ERF: variants seen among roughly 807,000 people sequenced by gnomAD.
The protein encoded by ERF is ETS domain-containing transcription factor ERF.
Under a neutral mutation model 41.6 loss-of-function variants are expected in ERF, and 10 were observed. That is an observed-to-expected ratio of 0.24 (90% CI 0.15 to 0.41). The LOEUF (loss-of-function observed/expected upper bound fraction) is 0.41, where lower values mean the gene tolerates loss of function less well. Ranked by LOEUF, ERF falls within the 10% of genes least tolerant of loss-of-function variation. The pLI is 1.00. For missense variants in ERF, 621 were observed against 763.2 expected, an observed-to-expected ratio of 0.81 and a Z score of 2.19; for synonymous variants, 395 against 342.4, an observed-to-expected ratio of 1.15 and a Z score of -1.70.
rs1185661950 is a variant in ERF at position 42,250,602 on chromosome 19, CT to C, written c.23-38del. 6.3e-7 allele frequency: 1 copy of C among 1,597,934 alleles called. No homozygotes were observed. Among genetic ancestry groups the C allele is most frequent in the Admixed American group, 1.7e-5 (1 of 58,510 alleles). On this transcript the variant is annotated intron_variant, in intron 1 of 3. Coordinates refer to ENST00000222329, the MANE Select transcript of ERF (RefSeq NM_006494.4). This position sits in a 1 kb window ranked among gnomAD's most constrained non-coding sequence, Gnocchi z 5.1. ...AGGCAGGGAGTGGCCTGGGGTCAGGCTGCCAAGTCCAGGGCTCTGGGTCCCA... is the reference window on the plus strand; with the variant it reads ...AGGCAGGGAGTGGCCTGGGGTCAGGCGCCAAGTCCAGGGCTCTGGGTCCCA...
chr19:42,250,660 A>T lies in ERF; in HGVS notation c.23-95T>A, dbSNP rs1214231498. The T allele has an allele frequency of 1.6e-6, 2 of 1,215,272 alleles. No homozygotes were observed. Among genetic ancestry groups the T allele is most frequent in the Non-Finnish European group, 2.3e-6 (2 of 865,454 alleles). 75.3% of individuals were successfully genotyped at this position (1,215,272 alleles called of 1,614,324 possible). A position where few individuals can be genotyped will look rare whatever the true frequency, so the allele number is the denominator to read the frequency against. On this transcript the variant is annotated intron_variant, in intron 1 of 3. Coordinates refer to ENST00000222329, the MANE Select transcript of ERF (RefSeq NM_006494.4). This position sits in a 1 kb window ranked among gnomAD's most constrained non-coding sequence, Gnocchi z 5.1. ...GGTCCACCTCTGCCCTGCCTTCAAC[A>T]TGGGGAAATCTGTCTCACCTCAGCC...
At chr19:42,252,886 CGGAG>C (rs1280613106) in intron 1 of ERF, among the ~76,000 whole-genome samples, 1 of 152,042 alleles carries the variant, frequency 6.6e-6, no homozygotes, top group Admixed American at 6.5e-5. Flanking sequence ...CAGACCTGCA[CGGAG>C]GAAGCTTGGG....
rs763967813 is a variant in ERF at position 42,249,071 on chromosome 19, C to T, written c.1041G>A (p.Lys347=). The T allele has an allele frequency of 3.7e-6, 6 of 1,613,078 alleles. No homozygotes were observed. The highest frequency in any genetic ancestry group is 5.1e-6 in the Non-Finnish European group (6 of 1,179,588). ...CGGGTGCCATGGGCGGCAGCGGGCA[C>T]TTGTCAGGGCGCTGGGGCTGGGGCA... The part of the protein sequence containing the change: ...LVVPQPQRPD[K]CPLPPMAPET... Residue 347 remains lysine (K), a synonymous_variant, in exon 4 of 4, where the codon AAG becomes AAA. Coordinates refer to ENST00000222329, the MANE Select transcript of ERF (RefSeq NM_006494.4). This position sits in a 1 kb window ranked among gnomAD's most constrained non-coding sequence, Gnocchi z 8.6.
In ERF at chr19:42,248,733, G is replaced by A; in HGVS notation, c.1379C>T (p.Pro460Leu). The A allele has an allele frequency of 6.2e-7, 1 of 1,613,614 alleles. No homozygotes were observed. The change falls in exon 4 of 4, where the codon CCA (proline) becomes CTA (leucine). Residue 460 changes from proline to leucine, a missense_variant. By Grantham distance (98) the Pro-to-Leu change is moderately conservative. This residue lies in a region of ERF where 569 missense variants were observed against 625.5 expected (regional missense o/e 0.91). Coordinates refer to ENST00000222329, the MANE Select transcript of ERF (RefSeq NM_006494.4). This position sits in a 1 kb window ranked among gnomAD's most constrained non-coding sequence, Gnocchi z 4.2. ...DGEVFKTPRA[P>L]PAPPKPEPGE... is the part of the protein sequence containing the mutation. ...GGGCTCAGGCTTAGGGGGTGCAGGT[G>A]GGGCACGGGGCGTCTTGAACACCTC...
At position 42,251,293 on chromosome 19, in the gene ERF, G is replaced by C. The variant is rs1411988589; in HGVS notation, c.23-728C>G. ...AGGGCCCAGCCCAGGCCTGGAGCTT[G>C]AGCAGGCACCCTGGAGCTGTCACCC... On this transcript the variant is annotated intron_variant, in intron 1 of 3. Transcript: ENST00000222329. 3 of 985,972 alleles carry C rather than the reference G, an allele frequency of 3.0e-6. No homozygotes were observed. In the East Asian group the frequency reaches 3.4e-4, roughly 112 times the overall value. The allele number at this position is 985,972 out of a possible 1,614,324, so 61.1% of individuals were successfully genotyped here. A position where few individuals can be genotyped will look rare whatever the true frequency, so the allele number is the denominator to read the frequency against.
In ERF at chr19:42,249,229, T is replaced by C. The variant is rs1415332567; in HGVS notation, c.883A>G (p.Ser295Gly). 6.2e-7 allele frequency: 1 copy of C among 1,613,076 alleles called. No homozygotes were observed. The highest frequency in any genetic ancestry group is 8.5e-7 in the Non-Finnish European group (1 of 1,179,610). ...PMYPSGGGGP[S>G]GSGGGSHFSF... ...AAGTGGGAGCCTCCCCCTGAGCCGC[T>C]GGGCCCCCCGCCACCACTGGGGTAC... Residue 295 changes from serine to glycine, a missense_variant, in exon 4 of 4, where the codon AGC (serine) becomes GGC (glycine). By Grantham distance (56) the Ser-to-Gly change is moderately conservative (BLOSUM62 0). Around this residue, in one of 3 missense-constraint regions of ERF, gnomAD observed 569 missense variants for 625.5 expected, o/e 0.91. Coordinates refer to ENST00000222329, the MANE Select transcript of ERF (RefSeq NM_006494.4). The surrounding 1 kb of genome is among the most constrained non-coding windows in gnomAD (Gnocchi z 8.6).
At chr19:42,252,527 G>A (rs1049980074) in intron 1 of ERF, among the ~76,000 whole-genome samples, 1 of 152,208 alleles carries the variant, frequency 6.6e-6, no homozygotes, top group Non-Finnish European at 1.5e-5. Context: ...AAGGAGGTGG[G>A]GGGGCTCTGG....
intron 1 of ERF, 74 bp downstream of exon 1, chr19:42,254,904 A>T: frequency 6.8e-7 from 1 of 1,467,352 alleles, no homozygotes; most frequent in East Asian, 2.8e-5. Flanking sequence ...GGACCCCTTC[A>T]GCCCCCCCAA....
chr19:42,249,360 G>A lies in ERF; in HGVS notation c.752C>T (p.Ser251Leu). 2 of 1,576,322 alleles carry A rather than the reference G, an allele frequency of 1.3e-6. No individual in the cohort carries two copies. The highest frequency in any genetic ancestry group is 1.7e-6 in the Non-Finnish European group (2 of 1,161,702). ...GPEPLSPFPVSPLAGPGSLLP... is the reference protein window; with the variant it reads ...GPEPLSPFPVLPLAGPGSLLP... ...CAGGGATCCAGGACCGGCCAGAGGCGACACAGGGAAGGGGCTGAGGGGTTC... is the reference window on the plus strand; with the variant it reads ...CAGGGATCCAGGACCGGCCAGAGGCAACACAGGGAAGGGGCTGAGGGGTTC... The change falls in exon 4 of 4, where the codon TCG becomes TTG. Residue 251 changes from serine to leucine, a missense_variant. By Grantham distance (145) the Ser-to-Leu change is moderately radical. Around this residue, in one of 3 missense-constraint regions of ERF, gnomAD observed 569 missense variants for 625.5 expected, o/e 0.91. Transcript: ENST00000222329. The surrounding 1 kb of genome is among the most constrained non-coding windows in gnomAD (Gnocchi z 8.6).
At chr19:42,254,803 C>G (rs770228806) in intron 1 of ERF, among the ~76,000 whole-genome samples, 175 bp downstream of exon 1, 19 of 152,194 alleles carry the variant, frequency 1.2e-4, no homozygotes, top group Non-Finnish European at 2.2e-4. Flanking sequence ...AATCGGGGGT[C>G]CCAGGCAGCA....
intron 1 of ERF, chr19:42,251,452 G>C (rs1568473479): frequency 4.9e-6 from 1 of 202,074 alleles, no homozygotes; most frequent in Non-Finnish European, 8.4e-6. Flanking sequence ...TGGGGTGGGG[G>C]GTGGGGGGTG....
intron 1 of ERF, among the ~76,000 whole-genome samples, chr19:42,252,540 AG>A (rs749146504): frequency 2.6e-5 from 4 of 152,206 alleles, no homozygotes; most frequent in Non-Finnish European, 5.9e-5. Context: ...GGCTCTGGAA[AG>A]GCCTCAAGCC....
Position 42,250,613 on chromosome 19 carries a change from A to G in ERF, c.23-48T>C, listed in dbSNP as rs1394783040. On this transcript the variant is annotated intron_variant, in intron 1 of 3. Transcript: ENST00000222329. This position sits in a 1 kb window ranked among gnomAD's most constrained non-coding sequence, Gnocchi z 5.1. ...GGCCTGGGGTCAGGCTGCCAAGTCC[A>G]GGGCTCTGGGTCCCATCCCAGGGTC... 1 of 1,582,824 alleles carries G rather than the reference A, an allele frequency of 6.3e-7. No individual in the cohort carries two copies. The highest frequency in any genetic ancestry group is 1.3e-5 in the African/African-American group (1 of 74,272).
intron 1 of ERF, among the ~76,000 whole-genome samples, chr19:42,253,519 T>A (rs1196227807): frequency 1.3e-5 from 2 of 151,760 alleles, no homozygotes; most frequent in African/African-American, 4.8e-5. Flanking sequence ...GGAGAGAAGA[T>A]GAAGCGAGGT....
chr19:42,249,760 C>A lies in ERF; in HGVS notation c.374-22G>T, dbSNP rs776123538. The A allele has an allele frequency of 3.1e-6, 5 of 1,612,022 alleles. No individual in the cohort carries two copies. The highest frequency in any genetic ancestry group is 4.2e-6 in the Non-Finnish European group (5 of 1,178,498). ...CCCCCTGGCAGAAGGGAGACAGTGT[C>A]AAGGCCCCTGGCCTAGCCTGAAGGG... On this transcript the variant is annotated intron_variant, in intron 3 of 3. Transcript: ENST00000222329. This position sits in a 1 kb window ranked among gnomAD's most constrained non-coding sequence, Gnocchi z 8.6.
chr19:42,253,768 G>T (rs2036485093), intron 1 of ERF: 1 of 679,506 alleles, frequency 1.5e-6, no homozygotes, highest in Admixed American at 6.3e-5. Context: ...CGCCGAGCAG[G>T]GGGATGGGGA....
intron 1 of ERF, 109 bp downstream of exon 1, chr19:42,254,869 A>C (rs2036507695): frequency 2.4e-6 from 3 of 1,276,230 alleles, no homozygotes; most frequent in Non-Finnish European, 3.1e-6. Flanking sequence ...GGTCCCCCAG[A>C]ACTGGGGATC....
In ERF at chr19:42,250,918, C is replaced by T. The variant is rs988048339; in HGVS notation, c.23-353G>A. ...GCAGGAAGGGGCACACGTGGCCAGC[C>T]GGGTTGGGGTACAGCCCCCCAGCTT... On this transcript the variant is annotated intron_variant, in intron 1 of 3. Coordinates refer to ENST00000222329, the MANE Select transcript of ERF (RefSeq NM_006494.4). The surrounding 1 kb of genome is among the most constrained non-coding windows in gnomAD (Gnocchi z 5.1). Among the ~76,000 whole-genome samples, 11 of 152,074 alleles carry T rather than the reference C, an allele frequency of 7.2e-5. No individual in the cohort carries two copies. Among genetic ancestry groups the T allele is most frequent in the African/African-American group, 1.4e-4 (6 of 41,416 alleles).
chr19:42,250,949 C>G lies in ERF; in HGVS notation c.23-384G>C, dbSNP rs984576042. Among the ~76,000 whole-genome samples, 1 of 152,162 alleles carries G rather than the reference C, an allele frequency of 6.6e-6. No individual in the cohort carries two copies. The highest frequency in any genetic ancestry group is 2.4e-5 in the African/African-American group (1 of 41,418). ...GGGGTACAGCCCCCCAGCTTACCCC[C>G]ACTCCCATTCAGAGCCAGTTGCACC... On this transcript the variant is annotated intron_variant, in intron 1 of 3. Coordinates refer to ENST00000222329, the MANE Select transcript of ERF (RefSeq NM_006494.4). This position sits in a 1 kb window ranked among gnomAD's most constrained non-coding sequence, Gnocchi z 5.1.
Sources: allele counts gnomAD v4.1 joint callset (sites outside exome capture counted in the v4.1 genomes callset), GRCh38; gene constraint gnomAD v4.1.1; regional missense constraint gnomAD v4.1.1; non-coding constraint Gnocchi (gnomAD v3.1); transcripts MANE v1.5; gene names NCBI Gene and HGNC (gene_info 2026-07-23, HGNC 2026-07-21).